HIVEP3: variants seen among roughly 807,000 people sequenced by gnomAD.
The protein encoded by HIVEP3 is transcription factor HIVEP3.
A neutral mutation model predicts 152.8 loss-of-function variants in HIVEP3; 49 were observed. The observed-to-expected ratio is 0.32, with a 90% CI of 0.26 to 0.41. HIVEP3 has a LOEUF of 0.41. Among genes scored for constraint, HIVEP3 ranks in the 10% least tolerant of loss-of-function variants. The pLI, the probability that HIVEP3 is intolerant of heterozygous loss-of-function variation, is 1.00. For synonymous variants in HIVEP3, 1,269 were observed against 1,289.0 expected (o/e 0.98, Z 0.33); for missense variants, 2,790 against 3,103.3 (o/e 0.90, Z 2.40).
intron 7 of HIVEP3, 50 bp from the exon 8 acceptor site, chr1:41,513,800 C>T (rs1642523044): frequency 6.9e-7 from 1 of 1,440,294 alleles, no homozygotes; most frequent in Non-Finnish European, 9.3e-7. Flanking sequence ...CTTGGCCCCA[C>T]TGCCCACACG....
intron 1 of HIVEP3, among the ~76,000 whole-genome samples, chr1:41,846,152 T>C (rs1643438147): frequency 6.6e-6 from 1 of 152,210 alleles, no homozygotes; most frequent in African/African-American, 2.4e-5. Flanking sequence ...ATCATCTTAA[T>C]ACAAATTTTT....
intron 1 of HIVEP3, among the ~76,000 whole-genome samples, chr1:41,875,567 T>C (rs958379104): frequency 9.9e-5 from 15 of 152,252 alleles, no homozygotes; most frequent in African/African-American, 3.1e-4. Flanking sequence ...CCTTGCTGAC[T>C]TTTGAGAGCT....
chr1:41,917,785 C>G (rs896607955), intron 1 of HIVEP3, among the ~76,000 whole-genome samples: 27 of 151,840 alleles, frequency 1.8e-4, no homozygotes, highest in African/African-American at 6.1e-4. Context: ...TTGGTTGGGT[C>G]AGGTTGGGGG....
intron 1 of HIVEP3, among the ~76,000 whole-genome samples, chr1:41,872,072 T>C (rs1304894954): frequency 1.3e-5 from 2 of 152,092 alleles, no homozygotes; most frequent in African/African-American, 2.4e-5. Context: ...TATAAAAACT[T>C]CCATAATGCC....
In HIVEP3 at chr1:42,030,311, A is replaced by G. The variant is rs115977147; in HGVS notation, n.119+5496T>C. On this transcript the variant is annotated intron_variant and non_coding_transcript_variant, in intron 1 of 3. Coordinates refer to the HIVEP3 transcript ENST00000489103. ...TGTTAGCATATTTTATGTGTGGCCC[A>G]AGACAATTCTTCTTCTAATGTGGCC... Among the ~76,000 whole-genome samples the G allele has an allele frequency of 7.4e-3, 1,132 of 152,234 alleles. 13 individuals carry two copies. The highest frequency in any genetic ancestry group is 0.026 in the African/African-American group (1,096 of 41,542).
At chr1:41,960,593 A>G (rs1321541157) in intron 1 of HIVEP3, among the ~76,000 whole-genome samples, 1 of 151,858 alleles carries the variant, frequency 6.6e-6, no homozygotes, top group Non-Finnish European at 1.5e-5. Flanking sequence ...CTAAAACCAC[A>G]TTTTTTCCTA....
Position 41,533,941 on chromosome 1 carries a change from GT to G in HIVEP3, c.5208-9032del, listed in dbSNP as rs59733458. ...CTGCAGTGTCTGCTCCTGGGTCCCCGTTCTCTCTCAGCAAGCAGCACCTGCA... is the reference window on the plus strand; with the variant it reads ...CTGCAGTGTCTGCTCCTGGGTCCCCGTCTCTCTCAGCAAGCAGCACCTGCA... On this transcript the variant is annotated intron_variant, in intron 5 of 8. Coordinates refer to ENST00000372583, the MANE Select transcript of HIVEP3 (RefSeq NM_024503.5). The surrounding 1 kb of genome is among the most constrained non-coding windows in gnomAD (Gnocchi z 4.3). Among the ~76,000 whole-genome samples the G allele has an allele frequency of 0.99, 150,993 of 152,136 alleles. 74,939 individuals are homozygous for G. The highest frequency in any genetic ancestry group is 1 in the East Asian group (5,120 of 5,120).
intron 2 of HIVEP3, among the ~76,000 whole-genome samples, chr1:41,669,821 C>T (rs146891462): frequency 2.6e-5 from 4 of 152,298 alleles, no homozygotes; most frequent in African/African-American, 9.6e-5. Context: ...AGCACATGAG[C>T]TAATTATTTA....
At position 41,584,414 on chromosome 1, in the gene HIVEP3, T is replaced by C. The variant is rs552223259; in HGVS notation, c.384A>G (p.Gly128=). The C allele has an allele frequency of 1.2e-6, 2 of 1,613,928 alleles. No homozygotes were observed. The highest frequency in any genetic ancestry group is 1.3e-5 in the African/African-American group (1 of 74,940). The part of the protein sequence containing the change: ...TWQLVDPMRP[G]PSGSFVAPGL... ...CAGGGGCCACGAAGGAGCCAGAGGG[T>C]CCAGGTCTCATGGGGTCAACCAGTT... Residue 128 remains glycine (G), a synonymous_variant, in exon 4 of 9, where the codon GGA becomes GGG. Coordinates refer to ENST00000372583, the MANE Select transcript of HIVEP3 (RefSeq NM_024503.5). This position sits in a 1 kb window ranked among gnomAD's most constrained non-coding sequence, Gnocchi z 5.2.
chr1:41,669,491 T>C (rs1307049989), intron 2 of HIVEP3, among the ~76,000 whole-genome samples: 2 of 152,154 alleles, frequency 1.3e-5, no homozygotes, highest in Non-Finnish European at 2.9e-5. Context: ...TTTGGATCAG[T>C]AGACTTAAAG....
At chr1:41,649,005 G>A (rs1159568795) in intron 2 of HIVEP3, among the ~76,000 whole-genome samples, 1 of 152,246 alleles carries the variant, frequency 6.6e-6, no homozygotes, top group Non-Finnish European at 1.5e-5. Context: ...AGCAGAGCCT[G>A]TGTGGATTTA....
At chr1:41,973,301 T>C (rs1348162664) in intron 1 of HIVEP3, among the ~76,000 whole-genome samples, 2 of 152,252 alleles carry the variant, frequency 1.3e-5, no homozygotes, top group Non-Finnish European at 2.9e-5. Context: ...CAGGGTCTCT[T>C]GCAAGGCTGC....
At chr1:41,810,587 CATGCTT>C (rs1650895561) in intron 1 of HIVEP3, among the ~76,000 whole-genome samples, 1 of 152,224 alleles carries the variant, frequency 6.6e-6, no homozygotes, top group Non-Finnish European at 1.5e-5. Context: ...CTGGTAGGTT[CATGCTT>C]ATGCTTCTGC....
At chr1:41,779,065 C>T (rs1648882244) in intron 1 of HIVEP3, among the ~76,000 whole-genome samples, 4 of 152,232 alleles carry the variant, frequency 2.6e-5, no homozygotes, top group Admixed American at 2.6e-4. Flanking sequence ...ATCAGTTCCT[C>T]CTGCATCTTT....
intron 5 of HIVEP3, among the ~76,000 whole-genome samples, chr1:41,526,420 TCACA>T (rs1316207706): frequency 1.2e-5 from 1 of 83,522 alleles, no homozygotes; most frequent in Non-Finnish European, 2.4e-5. Flanking sequence ...ACACTCACCC[TCACA>T]CTCACCCTCA....
intron 1 of HIVEP3, among the ~76,000 whole-genome samples, chr1:41,757,776 C>A (rs1479663277): frequency 1.3e-5 from 2 of 151,312 alleles, no homozygotes; most frequent in African/African-American, 4.9e-5. Context: ...TGCAATGGTG[C>A]GATCTCAGCT....
chr1:41,807,019 T>C (rs1570579461), intron 1 of HIVEP3, among the ~76,000 whole-genome samples: 1 of 117,280 alleles, frequency 8.5e-6, no homozygotes, highest in Admixed American at 8.2e-5. Context: ...CCTCCCTTCC[T>C]CCCCGCCCAG....
chr1:41,888,403 T>C (rs1323840680), intron 1 of HIVEP3, among the ~76,000 whole-genome samples: 2 of 151,640 alleles, frequency 1.3e-5, no homozygotes, highest in Non-Finnish European at 2.9e-5. Flanking sequence ...AAGCCCTTCT[T>C]CTCAAGAAGA....
At chr1:41,619,503 C>T (rs1356167912) in intron 3 of HIVEP3, among the ~76,000 whole-genome samples, 2 of 152,188 alleles carry the variant, frequency 1.3e-5, no homozygotes, top group African/African-American at 2.4e-5. Context: ...CAGAATGTAA[C>T]TCCAAGAGGC....
Sources: allele counts gnomAD v4.1 joint callset (sites outside exome capture counted in the v4.1 genomes callset), GRCh38; gene constraint gnomAD v4.1.1; non-coding constraint Gnocchi (gnomAD v3.1); transcripts MANE v1.5; gene names NCBI Gene and HGNC (gene_info 2026-07-23, HGNC 2026-07-21).